SEZ6L: variants seen among roughly 807,000 people sequenced by gnomAD.
The protein encoded by SEZ6L is seizure 6-like protein.
SEZ6L carries 37 observed loss-of-function variants against 106.2 expected under a neutral mutation model. The ratio of observed to expected loss-of-function variants is 0.35; its 90% CI spans 0.27 to 0.46. The LOEUF is 0.46. Ranked by LOEUF, SEZ6L falls within the 20% of genes least tolerant of loss-of-function variation. SEZ6L has a pLI of 1.00. For missense variants in SEZ6L, 1,172 were observed against 1,332.8 expected (o/e 0.88, Z 1.88); for synonymous variants, 541 against 570.4 (o/e 0.95, Z 0.73).
chr22:26,228,583 G>A (rs1307842908), intron 1 of SEZ6L, among the ~76,000 whole-genome samples: 1 of 152,154 alleles, frequency 6.6e-6, no homozygotes, highest in East Asian at 1.9e-4. Context: ...CTCCTTCCCA[G>A]TTCTGCTTCC....
intron 1 of SEZ6L, among the ~76,000 whole-genome samples, chr22:26,260,590 A>G (rs1373188605): frequency 6.6e-6 from 1 of 152,178 alleles, no homozygotes; most frequent in Non-Finnish European, 1.5e-5. Flanking sequence ...TAGACATTAT[A>G]TATATATATA....
intron 9 of SEZ6L, among the ~76,000 whole-genome samples, chr22:26,328,221 A>G (rs1399942592): frequency 6.6e-6 from 1 of 152,198 alleles, no homozygotes; most frequent in Non-Finnish European, 1.5e-5. Context: ...GTGGCAGCAT[A>G]AGTGCCCTTT....
intron 1 of SEZ6L, among the ~76,000 whole-genome samples, chr22:26,206,327 A>G (rs1352402357): frequency 1.3e-5 from 2 of 152,238 alleles, no homozygotes; most frequent in Non-Finnish European, 2.9e-5. Flanking sequence ...GAGAAGTGAC[A>G]GCACCTCACC....
At chr22:26,301,451 G>A (rs2081452196) in intron 5 of SEZ6L, among the ~76,000 whole-genome samples, 1 of 152,224 alleles carries the variant, frequency 6.6e-6, no homozygotes, top group Non-Finnish European at 1.5e-5. Flanking sequence ...AGGTGAGGCT[G>A]TAGTATGTAA....
At chr22:26,255,772 G>C (rs867848586) in intron 1 of SEZ6L, among the ~76,000 whole-genome samples, 43 of 152,342 alleles carry the variant, frequency 2.8e-4, no homozygotes, top group Middle Eastern at 3.4e-3. Flanking sequence ...TCGCAGTGTT[G>C]AGCACCTGCT....
chr22:26,241,332 A>C (rs2847316), intron 1 of SEZ6L: 79,110 of 151,926 alleles, frequency 0.52, 21,225 homozygotes, highest in South Asian at 0.59. Flanking sequence ...TTCAAGACCT[A>C]CCCTCAGCTC....
chr22:26,323,760 G>T (rs2082221403), intron 9 of SEZ6L, among the ~76,000 whole-genome samples: 1 of 151,708 alleles, frequency 6.6e-6, no homozygotes. Flanking sequence ...CTAAATACTG[G>T]CACACATTAT....
chr22:26,239,511 C>T (rs565841352), intron 1 of SEZ6L, among the ~76,000 whole-genome samples: 74 of 152,262 alleles, frequency 4.9e-4, no homozygotes, highest in Admixed American at 2.7e-3. Flanking sequence ...CTGCAACTAG[C>T]GAGAAGGAGA....
chr22:26,381,699 C>CT lies in SEZ6L; in HGVS notation c.*1405dup, dbSNP rs2084415110. 1 of 164,650 alleles carries CT rather than the reference C, an allele frequency of 6.1e-6. No individual in the cohort carries two copies. Among genetic ancestry groups the CT allele is most frequent in the Admixed American group, 6.0e-5 (1 of 16,552 alleles). 10.2% of individuals were successfully genotyped at this position (164,650 alleles called of 1,614,324 possible). ...GTGTAACTCTTGGGAAGATTCTTTT[C>CT]TAAATACAGGTATAAAGAGAAGGTG... is the stretch of plus-strand genomic sequence containing the variant. On this transcript the variant is annotated 3_prime_UTR_variant, in exon 17 of 17. Coordinates refer to ENST00000248933, the MANE Select transcript of SEZ6L (RefSeq NM_021115.5).
intron 5 of SEZ6L, among the ~76,000 whole-genome samples, chr22:26,305,064 G>C (rs2081590670): frequency 6.6e-6 from 1 of 151,962 alleles, no homozygotes; most frequent in Non-Finnish European, 1.5e-5. Context: ...TAACACAAAG[G>C]TATTTGTTTA....
chr22:26,377,360 C>G (rs1040400518), intron 15 of SEZ6L, among the ~76,000 whole-genome samples: 5 of 152,262 alleles, frequency 3.3e-5, no homozygotes, highest in Middle Eastern at 6.8e-3. Flanking sequence ...CATCCTTGTT[C>G]TTGTTTCCCT....
In SEZ6L at chr22:26,324,064, CCACACACACACACA is replaced by C. The variant is rs71311560; in HGVS notation, c.2015+10187_2015+10200del. ...CTCTAAGACCAAAGCCAGTTTTTAACCACACACACACACACACACACACACACACACACACACAA... is the reference window on the plus strand; with the variant it reads ...CTCTAAGACCAAAGCCAGTTTTTAACCACACACACACACACACACACACAA... On this transcript the variant is annotated intron_variant, in intron 9 of 16. Transcript: ENST00000248933. Among the ~76,000 whole-genome samples, 17 of 140,272 alleles carry C rather than the reference CCACACACACACACA, an allele frequency of 1.2e-4. No individual in the cohort carries two copies. The South Asian group carries it at 3.3e-3, about 27-fold the overall frequency. 92.0% of individuals were successfully genotyped at this position (140,272 alleles called of 152,430 possible).
intron 9 of SEZ6L, among the ~76,000 whole-genome samples, chr22:26,337,880 A>G (rs1224413950): frequency 6.6e-6 from 1 of 152,240 alleles, no homozygotes; most frequent in Non-Finnish European, 1.5e-5. Context: ...TACGAGAGGT[A>G]TGGTGGAAGG....
At chr22:26,315,411 T>C (rs1180621251) in intron 9 of SEZ6L, among the ~76,000 whole-genome samples, 3 of 151,692 alleles carry the variant, frequency 2.0e-5, no homozygotes, top group African/African-American at 7.3e-5. Context: ...CCTGGGAAAT[T>C]GAGGCTGCAG....
chr22:26,312,010 C>T, intron 8 of SEZ6L, 48 bp downstream of exon 8: 1 of 1,572,772 alleles, frequency 6.4e-7, no homozygotes, highest in South Asian at 1.1e-5. Flanking sequence ...GGGATCTCCA[C>T]CCTTTGGATG....
At chr22:26,178,707 G>A (rs961284909) in intron 1 of SEZ6L, among the ~76,000 whole-genome samples, 8 of 152,234 alleles carry the variant, frequency 5.3e-5, no homozygotes, top group East Asian at 1.9e-4. Context: ...CTTCAAAGCC[G>A]TACACCATAA....
intron 1 of SEZ6L, among the ~76,000 whole-genome samples, chr22:26,284,603 CCAAAA>C (rs2080870823): frequency 3.5e-5 from 1 of 28,982 alleles, no homozygotes; most frequent in African/African-American, 1.7e-4. Context: ...GATCAGGACT[CCAAAA>C]AAAAAAAAAA....
intron 1 of SEZ6L, among the ~76,000 whole-genome samples, chr22:26,289,356 T>G (rs1358572498): frequency 6.6e-6 from 1 of 152,234 alleles, no homozygotes; most frequent in Non-Finnish European, 1.5e-5. Flanking sequence ...AAGCCATTGT[T>G]TTGAGGCAGA....
chr22:26,347,668 C>T (rs1329538179), intron 10 of SEZ6L, 51 bp from the exon 11 acceptor site: 1 of 1,501,142 alleles, frequency 6.7e-7, no homozygotes, highest in Admixed American at 2.3e-5. Flanking sequence ...AAAGGAGGCC[C>T]CGACAACAAG....
Sources: gnomAD v4.1 joint callset for allele counts (sites outside exome capture counted in the v4.1 genomes callset) on GRCh38, gnomAD v4.1.1 for gene constraint, MANE v1.5 for transcripts, NCBI Gene and HGNC (gene_info 2026-07-23, HGNC 2026-07-21) for gene names.